The following FRMD7 variants were observed in gnomAD, a reference collection of about 807,000 sequenced individuals.
FRMD7 encodes the protein FERM domain-containing protein 7.
FRMD7 carries 14 observed loss-of-function variants against 44.1 expected under a neutral mutation model. That is an observed-to-expected ratio of 0.32 (90% CI 0.21 to 0.50). The LOEUF (loss-of-function observed/expected upper bound fraction) is 0.50, where lower values mean the gene tolerates loss of function less well. FRMD7 is among the 20% of genes least tolerant of loss of function. FRMD7 has a pLI of 0.99. For missense variants in FRMD7, 501 were observed against 522.3 expected (o/e 0.96, Z 0.40); for synonymous variants, 212 against 187.4 (o/e 1.13, Z -1.07).
At chrX:132,117,008 G>A (rs1448261589) in intron 1 of FRMD7, among the ~76,000 whole-genome samples, 1 of 111,754 alleles carries the variant, frequency 8.9e-6, no homozygotes, top group Non-Finnish European at 1.9e-5. Context: ...CTTTGGGAAA[G>A]TTACTTCACC....
At chrX:132,094,165 T>G in intron 4 of FRMD7, 26 bp from the exon 5 acceptor site, 1 of 863,322 alleles carries the variant, frequency 1.2e-6, no homozygotes, top group Non-Finnish European at 1.7e-6. Context: ...GGAGAATCTC[T>G]TGAGAAAGAA....
chrX:132,104,225 A>G (rs919650193), intron 1 of FRMD7, among the ~76,000 whole-genome samples: 1 of 112,151 alleles, frequency 8.9e-6, no homozygotes, highest in Non-Finnish European at 1.9e-5. Flanking sequence ...AAGAATATAC[A>G]CCAAATTGGT....
At chrX:132,096,099 C>A in intron 4 of FRMD7, among the ~76,000 whole-genome samples, 1 of 110,899 alleles carries the variant, frequency 9.0e-6, no homozygotes, top group East Asian at 2.8e-4. Flanking sequence ...GGTTAGCAAA[C>A]GCAAATACAT....
chrX:132,126,989 T>C (rs780447721), intron 1 of FRMD7, among the ~76,000 whole-genome samples: 1 of 112,801 alleles, frequency 8.9e-6, no homozygotes, highest in East Asian at 2.8e-4. Flanking sequence ...AACCAACATT[T>C]TGTATGAATT....
intron 5 of FRMD7, among the ~76,000 whole-genome samples, chrX:132,093,702 A>G (rs767839418): frequency 5.3e-5 from 6 of 112,605 alleles, no homozygotes; most frequent in Non-Finnish European, 1.1e-4. Context: ...ATCCTGGGGT[A>G]AGCAGAGGGA....
At chrX:132,121,608 C>T (rs762101338) in intron 1 of FRMD7, among the ~76,000 whole-genome samples, 208 of 104,955 alleles carry the variant, frequency 2.0e-3, no homozygotes, top group Non-Finnish European at 3.2e-3. Context: ...AAAAAAAAAA[C>T]CCAAGGCACA....
chrX:132,101,647 G>C (rs1271587611), intron 1 of FRMD7, among the ~76,000 whole-genome samples: 1 of 112,278 alleles, frequency 8.9e-6, no homozygotes, highest in Non-Finnish European at 1.9e-5. Context: ...ATGATTATAT[G>C]AGCCCCTTGA....
chrX:132,124,087 T>A (rs905545221), intron 1 of FRMD7, among the ~76,000 whole-genome samples: 3 of 111,868 alleles, frequency 2.7e-5, no homozygotes, highest in Non-Finnish European at 3.8e-5. Context: ...TGCATGTGCA[T>A]GTGTGTATAT....
intron 9 of FRMD7, among the ~76,000 whole-genome samples, chrX:132,081,025 A>G (rs1341333281): frequency 2.2e-5 from 2 of 91,271 alleles, no homozygotes; most frequent in African/African-American, 8.9e-5. Context: ...CGGGAGAAAC[A>G]TAAAAATCAA....
intron 5 of FRMD7, among the ~76,000 whole-genome samples, chrX:132,087,399 T>C (rs2124227275): frequency 9.0e-6 from 1 of 111,731 alleles, no homozygotes. Flanking sequence ...GGGCTGTTTT[T>C]TTTCTCTTCT....
In FRMD7 at chrX:132,077,872, T is replaced by A. The variant is rs372458379; in HGVS notation, c.2145A>T (p.Ter715TyrextTer24). The A allele has an allele frequency of 1.1e-5, 13 of 1,209,613 alleles. No homozygotes were observed. The African/African-American group carries it at 2.3e-4, about 21-fold the overall frequency. ...SLKPCNYFLA* is the reference protein window; with the variant it reads ...SLKPCNYFLAY ...CAGAAATGTCCATAGGTTCACACTT[T>A]TAAGCTAAAAAGTAATTACATGGTT... The change falls in exon 12 of 12, where the codon TAA becomes TAT. Residue 715 changes from the stop codon to tyrosine (Y), a stop_lost. Transcript: ENST00000298542.
intron 11 of FRMD7, among the ~76,000 whole-genome samples, chrX:132,079,397 A>T (rs1927734688): frequency 8.9e-6 from 1 of 111,999 alleles, no homozygotes; most frequent in African/African-American, 3.2e-5. Context: ...ATGGTATGAG[A>T]GGTTCATATA....
At chrX:132,099,106 G>A (rs566016950) in intron 3 of FRMD7, among the ~76,000 whole-genome samples, 3 of 111,876 alleles carry the variant, frequency 2.7e-5, no homozygotes, top group African/African-American at 9.7e-5. Flanking sequence ...TAATGCTTGT[G>A]ACAGGATATA....
chrX:132,097,293 G>A lies in FRMD7; in HGVS notation c.257C>T (p.Pro86Leu). 4 of 1,194,307 alleles carry A rather than the reference G, an allele frequency of 3.3e-6. No homozygotes were observed. Among genetic ancestry groups the A allele is most frequent in the Non-Finnish European group, 4.5e-6 (4 of 879,934 alleles). ...TGTAAGTTCTTCCCGCAGATGTCCA[G>A]GGTCCACTGGGAAAAATTTCACCAT... ...KFMVKFFPVD[P>L]GHLREELTRY... is the part of the protein sequence containing the mutation. Residue 86 changes from proline to leucine, a missense_variant, in exon 4 of 12, where the codon CCT becomes CTT. This residue lies in a region of FRMD7 where 24 missense variants were observed against 48.0 expected (regional missense o/e 0.50). Coordinates refer to ENST00000298542, the MANE Select transcript of FRMD7 (RefSeq NM_194277.3).
In FRMD7 at chrX:132,115,000, C is replaced by T. The variant is rs761004742; in HGVS notation, c.57+12788G>A. Among the ~76,000 whole-genome samples the T allele has an allele frequency of 4.4e-5, 5 of 112,693 alleles. No individual in the cohort carries two copies. The East Asian group carries it at 1.1e-3, about 25-fold the overall frequency. On this transcript the variant is annotated intron_variant, in intron 1 of 11. Coordinates refer to ENST00000298542, the MANE Select transcript of FRMD7 (RefSeq NM_194277.3). The stretch of plus-strand genomic sequence containing the variant: ...TAGATTCCACTTAGGTCTGCTCTCT[C>T]CTTGACCGATCACCACATATGTCGT...
chrX:132,082,666 T>C (rs1030928935), intron 8 of FRMD7, 140 bp from the exon 9 acceptor site: 2 of 528,741 alleles, frequency 3.8e-6, no homozygotes, highest in African/African-American at 2.3e-5. Context: ...GTTTCACACC[T>C]GCTGAAACCT....
chrX:132,103,321 CT>C (rs1434348722), intron 1 of FRMD7, among the ~76,000 whole-genome samples: 1 of 111,523 alleles, frequency 9.0e-6, no homozygotes, highest in Non-Finnish European at 1.9e-5. Context: ...CTCTGGACTT[CT>C]GATTCTCTGT....
At chrX:132,099,662 G>A in intron 2 of FRMD7, 152 bp from the exon 3 acceptor site, 1 of 412,863 alleles carries the variant, frequency 2.4e-6, no homozygotes, top group Non-Finnish European at 4.4e-6. Context: ...TCAAATAGGT[G>A]GCATACTACG....
At position 132,115,908 on chromosome X, in the gene FRMD7, T is replaced by C. The variant is rs779850993; in HGVS notation, c.57+11880A>G. Among the ~76,000 whole-genome samples the C allele has an allele frequency of 3.6e-5, 4 of 110,688 alleles. No individual in the cohort carries two copies. The East Asian group carries it at 8.5e-4, about 24-fold the overall frequency. ...AGGAATAGAGATGACCTCTCATTTG[T>C]TATACTTTGGGGAAGTCTGAGGCAG... On this transcript the variant is annotated intron_variant, in intron 1 of 11. Coordinates refer to ENST00000298542, the MANE Select transcript of FRMD7 (RefSeq NM_194277.3).
Sources: gnomAD v4.1 joint callset for allele counts (sites outside exome capture counted in the v4.1 genomes callset) on GRCh38, gnomAD v4.1.1 for gene constraint, gnomAD v4.1.1 regional missense constraint, MANE v1.5 for transcripts, NCBI Gene and HGNC (gene_info 2026-07-23, HGNC 2026-07-21) for gene names.